The following CBLN4 variants were observed in gnomAD, a reference collection of about 807,000 sequenced individuals.
CBLN4 encodes the protein cerebellin 4 precursor.
In CBLN4, 7 loss-of-function variants were observed where a neutral mutation model predicts 14.9. The observed-to-expected ratio is 0.47, with a 90% CI of 0.27 to 0.88. CBLN4 has a LOEUF of 0.88. Among genes scored for constraint, CBLN4 ranks in the 40% least tolerant of loss-of-function variants. The pLI, the probability that CBLN4 is intolerant of heterozygous loss-of-function variation, is 0.14. For synonymous variants in CBLN4, 131 were observed against 116.5 expected, an observed-to-expected ratio of 1.12 and a Z score of -0.80; for missense variants, 188 against 256.8, an observed-to-expected ratio of 0.73 and a Z score of 1.83.
intron 1 of CBLN4, among the ~76,000 whole-genome samples, chr20:56,001,237 G>A (rs1485794237): frequency 1.3e-5 from 2 of 152,184 alleles, no homozygotes; most frequent in African/African-American, 4.8e-5. Flanking sequence ...ATAAATATTA[G>A]CTTTACCTTG....
At chr20:56,002,598 AC>A (rs1986392713) in intron 1 of CBLN4, among the ~76,000 whole-genome samples, 3 of 152,264 alleles carry the variant, frequency 2.0e-5, no homozygotes, top group African/African-American at 7.2e-5. Context: ...TGCAATGCCC[AC>A]AGTATTCCAA....
chr20:56,003,833 C>G (rs1392662541), intron 1 of CBLN4, 48 bp downstream of exon 1: 7 of 1,548,070 alleles, frequency 4.5e-6, no homozygotes, highest in South Asian at 2.5e-5. Flanking sequence ...TGCTGAGGTG[C>G]CTGGAGACCG....
intron 1 of CBLN4, 33 bp downstream of exon 1, chr20:56,003,848 C>A: frequency 6.4e-7 from 1 of 1,566,876 alleles, no homozygotes; most frequent in Non-Finnish European, 8.7e-7. Context: ...AGACCGCCCA[C>A]CCCCTAGGTG....
At chr20:56,001,721 T>G (rs1274189060) in intron 1 of CBLN4, among the ~76,000 whole-genome samples, 1 of 152,202 alleles carries the variant, frequency 6.6e-6, no homozygotes, top group African/African-American at 2.4e-5. Context: ...AGATACTGTT[T>G]CCCAAGAAAG....
intron 2 of CBLN4, among the ~76,000 whole-genome samples, chr20:55,999,670 C>T (rs1011174477): frequency 7.2e-5 from 11 of 152,062 alleles, no homozygotes; most frequent in Admixed American, 1.3e-4. Flanking sequence ...ACCACTATCA[C>T]TGATTTTAGT....
At position 56,003,843 on chromosome 20, in the gene CBLN4, GCCCA is replaced by G; in HGVS notation, c.291+34_291+37del. On this transcript the variant is annotated intron_variant, in intron 1 of 2. Transcript: ENST00000064571. ...CCTCGTGCTGAGGTGCCTGGAGACC[GCCCA>G]CCCCCTAGGTGCTCGCTTCCCCCCG... 4 of 1,554,486 alleles carry G rather than the reference GCCCA, an allele frequency of 2.6e-6. No homozygotes were observed. The South Asian group carries it at 4.9e-5, about 19-fold the overall frequency.
At position 55,998,017 on chromosome 20, in the gene CBLN4, A is replaced by C. The variant is rs1008684573; in HGVS notation, c.*540T>G. 6.6e-6 allele frequency: 1 copy of C among 152,660 alleles called. No individual in the cohort carries two copies. Among genetic ancestry groups the C allele is most frequent in the Non-Finnish European group, 1.5e-5 (1 of 68,086 alleles). 9.5% of individuals were successfully genotyped at this position (152,660 alleles called of 1,614,324 possible). On this transcript the variant is annotated 3_prime_UTR_variant, in exon 3 of 3. Transcript: ENST00000064571. ...TAAATTTGTGGGCAAGCCATTCATT[A>C]CCTTATTTTAAGAGAAAACATAATA... is the stretch of plus-strand genomic sequence containing the variant.
In CBLN4 at chr20:55,997,837, G is replaced by A. The variant is rs1986303174; in HGVS notation, c.*720C>T. On this transcript the variant is annotated 3_prime_UTR_variant, in exon 3 of 3. Transcript: ENST00000064571. ...CAGGGATTGAGCACTTAGATTTTGG[G>A]TAAGCAACTTTTTCCTTGTCAGATT... 1 of 152,584 alleles carries A rather than the reference G, an allele frequency of 6.6e-6. No individual in the cohort carries two copies. Among genetic ancestry groups the A allele is most frequent in the African/African-American group, 2.4e-5 (1 of 41,444 alleles). 9.5% of individuals were successfully genotyped at this position (152,584 alleles called of 1,614,324 possible).
chr20:56,003,518 C>A (rs1038552277), intron 1 of CBLN4, among the ~76,000 whole-genome samples: 21 of 152,230 alleles, frequency 1.4e-4, no homozygotes, highest in African/African-American at 4.8e-4. Flanking sequence ...GGAGTCTGAG[C>A]AAGGGCACCA....
At chr20:56,003,039 G>C (rs548850499) in intron 1 of CBLN4, among the ~76,000 whole-genome samples, 1 of 152,140 alleles carries the variant, frequency 6.6e-6, no homozygotes, top group Admixed American at 6.5e-5. Context: ...AGCCAAACAC[G>C]GAGCACCAGG....
At chr20:56,003,460 C>T (rs988990865) in intron 1 of CBLN4, among the ~76,000 whole-genome samples, 3 of 152,264 alleles carry the variant, frequency 2.0e-5, no homozygotes, top group East Asian at 1.9e-4. Flanking sequence ...AAACATTTAT[C>T]CTGTTCCGCA....
Position 56,000,746 on chromosome 20 carries a change from C to G in CBLN4, c.393G>C (p.Gln131His). 1.3e-6 allele frequency: 2 copies of G among 1,592,480 alleles called. No individual in the cohort carries two copies. The highest frequency in any genetic ancestry group is 1.7e-6 in the Non-Finnish European group (2 of 1,168,434). ...AAACACACACCTGGATAGTTTGGCT[C>G]TGGTAGACTTTAATCACGTGAAAAC... is the stretch of plus-strand genomic sequence containing the variant. ...SFSFHVIKVY[Q>H]SQTIQVNLML... Residue 131 changes from glutamine to histidine, a missense_variant, in exon 2 of 3, where the codon CAG (glutamine) becomes CAC (histidine). Physicochemically the swap from Gln to His is conservative, Grantham distance 24. Transcript: ENST00000064571.
At chr20:56,000,065 G>C (rs1986343849) in intron 2 of CBLN4, among the ~76,000 whole-genome samples, 1 of 152,174 alleles carries the variant, frequency 6.6e-6, no homozygotes, top group South Asian at 2.1e-4. Context: ...GTGTCATTTA[G>C]TATTAGCATA....
Position 55,998,365 on chromosome 20 carries a change from T to C in CBLN4, c.*192A>G. 1 of 620,388 alleles carries C rather than the reference T, an allele frequency of 1.6e-6. No homozygotes were observed. Among genetic ancestry groups the C allele is most frequent in the South Asian group, 2.2e-5 (1 of 46,320 alleles). The allele number at this position is 620,388 out of a possible 1,614,324, so 38.4% of individuals were successfully genotyped here. A position where few individuals can be genotyped will look rare whatever the true frequency, so the allele number is the denominator to read the frequency against. On this transcript the variant is annotated 3_prime_UTR_variant, in exon 3 of 3. Coordinates refer to ENST00000064571, the MANE Select transcript of CBLN4 (RefSeq NM_080617.6). The stretch of plus-strand genomic sequence containing the variant: ...TATCTGCTTAGAGTCCCAATCCAAA[T>C]ATACTGAAACAGACACACACAAATA...
rs1986306960 is a variant in CBLN4, at chr20:55,997,981, C to T, written c.*576G>A. On this transcript the variant is annotated 3_prime_UTR_variant, in exon 3 of 3. Coordinates refer to ENST00000064571, the MANE Select transcript of CBLN4 (RefSeq NM_080617.6). ...TTGAGAGAAGTCATGTCGATGATAT[C>T]GTAGTCAAGGTAAATTTGTGGGCAA... The T allele has an allele frequency of 6.6e-6, 1 of 151,534 alleles. No homozygotes were observed. The highest frequency in any genetic ancestry group is 6.6e-5 in the Admixed American group (1 of 15,176). 9.4% of individuals were successfully genotyped at this position (151,534 alleles called of 1,614,324 possible).
In CBLN4 at chr20:55,998,755, C is replaced by G; in HGVS notation, c.409-1G>C. On this transcript the variant is annotated splice_acceptor_variant, in intron 2 of 2. Coordinates refer to ENST00000064571, the MANE Select transcript of CBLN4 (RefSeq NM_080617.6). LOFTEE classifies it high-confidence loss of function. Reference sequence around the variant, plus strand: ...GTTTTCCATTTAACATCAAGTTAACCTAGAAGAAGAAAAATAATAATAATT... The same window carrying G: ...GTTTTCCATTTAACATCAAGTTAACGTAGAAGAAGAAAAATAATAATAATT... 6.2e-7 allele frequency: 1 copy of G among 1,605,748 alleles called. No individual in the cohort carries two copies. The highest frequency in any genetic ancestry group is 1.1e-5 in the South Asian group (1 of 90,832).
intron 1 of CBLN4, among the ~76,000 whole-genome samples, chr20:56,001,884 G>A (rs533885366): frequency 3.3e-5 from 5 of 152,252 alleles, no homozygotes; most frequent in African/African-American, 9.6e-5. Flanking sequence ...ATGGAGGATG[G>A]ATGTTAAAAT....
rs989129074 is a variant in CBLN4, at chr20:55,998,818, G to T, written c.409-64C>A. 13 of 1,206,316 alleles carry T rather than the reference G, an allele frequency of 1.1e-5. No individual in the cohort carries two copies. In the African/African-American group the frequency reaches 1.5e-4, roughly 14 times the overall value. The allele number at this position is 1,206,316 out of a possible 1,614,324, so 74.7% of individuals were successfully genotyped here. A position where few individuals can be genotyped will look rare whatever the true frequency, so the allele number is the denominator to read the frequency against. ...TTAAAGTCAAAACATCTACTGGGGA[G>T]AATAAATAATGTCTAAGATGATAGA... On this transcript the variant is annotated intron_variant, in intron 2 of 2. Transcript: ENST00000064571.
At chr20:56,000,444 A>C (rs1205001930) in intron 2 of CBLN4, among the ~76,000 whole-genome samples, 1 of 152,236 alleles carries the variant, frequency 6.6e-6, no homozygotes, top group African/African-American at 2.4e-5. Flanking sequence ...GATCTTACAA[A>C]GAGATTTGTG....
Sources: allele counts gnomAD v4.1 joint callset (sites outside exome capture counted in the v4.1 genomes callset), GRCh38; gene constraint gnomAD v4.1.1; transcripts MANE v1.5; gene names NCBI Gene and HGNC (gene_info 2026-07-23, HGNC 2026-07-21).